The following TAB2 variants were observed in gnomAD, a reference collection of about 807,000 sequenced individuals.
TAB2 encodes TGF-beta-activated kinase 1 and MAP3K7-binding protein 2.
Under a neutral mutation model 65.0 loss-of-function variants are expected in TAB2, and 3 were observed. That is an observed-to-expected ratio of 0.05 (90% CI 0.02 to 0.12). TAB2 has a LOEUF of 0.12. Ranked by LOEUF, TAB2 falls within the 10% of genes least tolerant of loss-of-function variation. The pLI is 1.00. For synonymous variants in TAB2, 298 were observed against 285.1 expected (o/e 1.05, Z -0.46); for missense variants, 623 against 840.3 (o/e 0.74, Z 3.20).
At chr6:149,375,480 T>C (rs1781369352) in intron 2 of TAB2, among the ~76,000 whole-genome samples, 2 of 152,124 alleles carry the variant, frequency 1.3e-5, no homozygotes, top group Non-Finnish European at 2.9e-5. Context: ...TTACAGAGAT[T>C]ACAAAGGATT....
intron 1 of TAB2, among the ~76,000 whole-genome samples, chr6:149,341,056 C>T (rs1458008111): frequency 2.0e-5 from 3 of 151,892 alleles, no homozygotes; most frequent in African/African-American, 7.3e-5. Flanking sequence ...AACTTAAGGA[C>T]CAAATTATAT....
chr6:149,358,640 C>CTGTGTGTGTGTGTGTGTGTG (rs370116039), intron 1 of TAB2, among the ~76,000 whole-genome samples: 20,372 of 121,294 alleles, frequency 0.17, 2,282 homozygotes, highest in Non-Finnish European at 0.21. Context: ...CTTCAGAACT[C>CTGTGTGTGTGTGTGTGTGTG]TGTGTGTGTG....
chr6:149,283,493 T>A (rs1191380967), intron 1 of TAB2, among the ~76,000 whole-genome samples: 1 of 152,090 alleles, frequency 6.6e-6, no homozygotes, highest in Non-Finnish European at 1.5e-5. Context: ...GTGGATCACC[T>A]GAGGTCAGGA....
intron 3 of TAB2, among the ~76,000 whole-genome samples, chr6:149,388,765 C>T (rs192314175): frequency 1.3e-5 from 2 of 152,122 alleles, no homozygotes; most frequent in East Asian, 1.9e-4. Context: ...TTGCCTATTT[C>T]TGTAAAATGC....
intron 1 of TAB2, chr6:149,304,000 A>T (rs1779014253): frequency 6.6e-6 from 1 of 152,280 alleles, no homozygotes; most frequent in Non-Finnish European, 1.5e-5. Context: ...TCAGCTAGAC[A>T]ATGAAGGAAC....
intron 1 of TAB2, among the ~76,000 whole-genome samples, chr6:149,354,660 T>C (rs763137144): frequency 6.6e-5 from 10 of 152,212 alleles, no homozygotes; most frequent in Admixed American, 1.3e-4. Flanking sequence ...TCCAAAGATA[T>C]TCTGTGCACG....
At chr6:149,385,593 C>T (rs1050676041) in intron 3 of TAB2, among the ~76,000 whole-genome samples, 1 of 152,158 alleles carries the variant, frequency 6.6e-6, no homozygotes, top group Non-Finnish European at 1.5e-5. Flanking sequence ...GTAGGTTCCT[C>T]CCAGTCTTAA....
chr6:149,402,499 C>T (rs941781591), intron 6 of TAB2, among the ~76,000 whole-genome samples: 2 of 151,900 alleles, frequency 1.3e-5, no homozygotes, highest in Non-Finnish European at 2.9e-5. Flanking sequence ...AAAAAAATTC[C>T]CAACAAAGAA....
At chr6:149,373,454 C>T (rs1409671845) in intron 2 of TAB2, among the ~76,000 whole-genome samples, 1 of 152,170 alleles carries the variant, frequency 6.6e-6, no homozygotes, top group Admixed American at 6.5e-5. Context: ...ATGATAACAC[C>T]TACCATACTG....
chr6:149,317,893 AGGC>A lies in TAB2; in HGVS notation c.-201_-199del, dbSNP rs1351446743. The A allele has an allele frequency of 3.0e-5, 5 of 165,920 alleles. No homozygotes were observed. The highest frequency in any genetic ancestry group is 1.1e-4 in the South Asian group (1 of 9,286). The allele number at this position is 165,920 out of a possible 1,614,324, so 10.3% of individuals were successfully genotyped here. ...TGTCCCCCCTGCCGGGTGGAACCGG[AGGC>A]GGCGGCGGCGCTGGCGGCGGCCGTG... On this transcript the variant is annotated 5_prime_UTR_variant, in exon 1 of 7. Transcript: ENST00000637181. The surrounding 1 kb of genome is among the most constrained non-coding windows in gnomAD (Gnocchi z 4.7).
intron 1 of TAB2, among the ~76,000 whole-genome samples, chr6:149,298,069 C>T (rs1408289987): frequency 6.6e-6 from 1 of 151,698 alleles, no homozygotes; most frequent in Non-Finnish European, 1.5e-5. Context: ...GTAGAGTCAC[C>T]AACTTAAAAT....
intron 1 of TAB2, among the ~76,000 whole-genome samples, chr6:149,252,277 T>C (rs538323104): frequency 1.3e-5 from 2 of 152,146 alleles, no homozygotes; most frequent in Admixed American, 1.3e-4. Flanking sequence ...TAGTGGCACA[T>C]GCCTGTAATC....
intron 1 of TAB2, among the ~76,000 whole-genome samples, chr6:149,354,130 C>T (rs909179904): frequency 2.0e-5 from 3 of 152,150 alleles, no homozygotes; most frequent in Non-Finnish European, 2.9e-5. Context: ...TCTAATTGGT[C>T]CCAGCTTCTG....
At chr6:149,399,040 T>C (rs1782274336) in intron 5 of TAB2, 64 bp from the exon 6 acceptor site, 2 of 1,392,154 alleles carry the variant, frequency 1.4e-6, no homozygotes, top group Admixed American at 1.7e-5. Flanking sequence ...GAAATACTTG[T>C]TTTAAAAAGT....
At chr6:149,370,553 T>TA (rs1401027759) in intron 2 of TAB2, among the ~76,000 whole-genome samples, 7 of 152,064 alleles carry the variant, frequency 4.6e-5, no homozygotes, top group Non-Finnish European at 1.0e-4. Context: ...ATCTGTAAAA[T>TA]AAAAGAGTTT....
At chr6:149,230,002 A>C (rs982313408) in intron 1 of TAB2, 1 of 152,204 alleles carries the variant, frequency 6.6e-6, no homozygotes, top group African/African-American at 2.4e-5. Flanking sequence ...GTGGGTAAGA[A>C]GTTAGAATAA....
intron 1 of TAB2, among the ~76,000 whole-genome samples, chr6:149,263,882 T>TGGGGCACCAGATCTCTTC (rs1778205468): frequency 6.6e-6 from 1 of 152,324 alleles, no homozygotes; most frequent in East Asian, 1.9e-4. Context: ...CAGGCAGTTC[T>TGGGGCACCAGATCTCTTC]GGGGCACCAG....
At chr6:149,381,790 C>G (rs778860761) in intron 3 of TAB2, among the ~76,000 whole-genome samples, 1 of 151,842 alleles carries the variant, frequency 6.6e-6, no homozygotes, top group African/African-American at 2.4e-5. Flanking sequence ...CCAGGCTGGT[C>G]TTGAACCCCT....
At chr6:149,236,808 G>C (rs1777503934) in intron 1 of TAB2, among the ~76,000 whole-genome samples, 1 of 152,142 alleles carries the variant, frequency 6.6e-6, no homozygotes, top group South Asian at 2.1e-4. Flanking sequence ...AAGGAGACAA[G>C]AGCTGTTTGA....
Sources: gnomAD v4.1 joint callset for allele counts (sites outside exome capture counted in the v4.1 genomes callset) on GRCh38, gnomAD v4.1.1 for gene constraint, Gnocchi (gnomAD v3.1) non-coding constraint, MANE v1.5 for transcripts, NCBI Gene and HGNC (gene_info 2026-07-23, HGNC 2026-07-21) for gene names.